TMEM178A: variants seen among roughly 807,000 people sequenced by gnomAD.
TMEM178A encodes transmembrane protein 178.
A neutral mutation model predicts 29.1 loss-of-function variants in TMEM178A; 12 were observed. The ratio of observed to expected loss-of-function variants is 0.41; its 90% confidence interval spans 0.26 to 0.67. TMEM178A has a LOEUF of 0.67. TMEM178A is among the 30% of genes least tolerant of loss of function. The pLI is 0.29. For synonymous variants in TMEM178A, 210 were observed against 187.2 expected (o/e 1.12, Z -0.99); for missense variants, 366 against 419.1 (o/e 0.87, Z 1.11).
chr2:39,700,017 A>G (rs1455142858), intron 1 of TMEM178A, among the ~76,000 whole-genome samples: 1 of 152,158 alleles, frequency 6.6e-6, no homozygotes, highest in Non-Finnish European at 1.5e-5. Context: ...CTTACTTTGT[A>G]TGACTTTAAT....
At position 39,667,398 on chromosome 2, in the gene TMEM178A, C is replaced by T. The variant is rs148197394; in HGVS notation, c.400+1024C>T. On this transcript the variant is annotated intron_variant, in intron 1 of 3. Coordinates refer to ENST00000281961, the MANE Select transcript of TMEM178A (RefSeq NM_152390.3). ...ATATTCAGTGTGACAACTTGTGAAG[C>T]TTCCTTTAACTTTCAGAACTTGACT... Among the ~76,000 whole-genome samples, 415 of 147,872 alleles carry T rather than the reference C, an allele frequency of 2.8e-3. 1 individual carries two copies. The highest frequency in any genetic ancestry group is 9.7e-3 in the African/African-American group (390 of 40,036).
At chr2:39,727,814 T>C in the TMEM178A span, among the ~76,000 whole-genome samples, 3 of 151,148 alleles carry the variant, frequency 2.0e-5, no homozygotes, top group Non-Finnish European at 4.4e-5. Context: ...CATGAGGTGT[T>C]TGGTTTTCTG....
chr2:39,674,071 G>C (rs974178658), intron 1 of TMEM178A, among the ~76,000 whole-genome samples: 16 of 152,002 alleles, frequency 1.1e-4, no homozygotes, highest in African/African-American at 3.9e-4. Context: ...AACTTCTCTT[G>C]GTATTCAGAC....
At chr2:39,718,911 A>T (rs544244334), downstream of TMEM178A, among the ~76,000 whole-genome samples, 72 of 152,362 alleles carry the variant, frequency 4.7e-4, no homozygotes, top group African/African-American at 1.5e-3. Context: ...TTGATTTCAT[A>T]AAAGATTCTT....
At chr2:39,715,209 T>C (rs1053734650) in intron 3 of TMEM178A, among the ~76,000 whole-genome samples, 1 of 152,240 alleles carries the variant, frequency 6.6e-6, no homozygotes, top group Non-Finnish European at 1.5e-5. Flanking sequence ...AAATGCTTGC[T>C]TTTAGGCATT....
At chr2:39,691,450 A>G (rs1314627324) in intron 1 of TMEM178A, among the ~76,000 whole-genome samples, 1 of 152,228 alleles carries the variant, frequency 6.6e-6, no homozygotes, top group East Asian at 1.9e-4. Context: ...CTTACTTTTT[A>G]GAGTGCCTGT....
At chr2:39,667,823 A>T (rs544758599) in intron 1 of TMEM178A, among the ~76,000 whole-genome samples, 39 of 152,300 alleles carry the variant, frequency 2.6e-4, no homozygotes, top group African/African-American at 8.9e-4. Context: ...CTTGCATCCA[A>T]ATCTGATTTC....
At chr2:39,684,956 A>G (rs762152801) in intron 1 of TMEM178A, among the ~76,000 whole-genome samples, 10 of 152,076 alleles carry the variant, frequency 6.6e-5, no homozygotes, top group South Asian at 2.1e-4. Context: ...TCTCACTGGA[A>G]CCTTTTTCTC....
chr2:39,729,042 T>G, the TMEM178A span, among the ~76,000 whole-genome samples: 8 of 152,130 alleles, frequency 5.3e-5, no homozygotes, highest in South Asian at 6.2e-4. Flanking sequence ...CGCCCCCAGC[T>G]GCAATCAACA....
At chr2:39,721,884 G>C (rs1326992950), downstream of TMEM178A, among the ~76,000 whole-genome samples, 2 of 150,234 alleles carry the variant, frequency 1.3e-5, no homozygotes, top group Admixed American at 1.3e-4. Context: ...TTAGCTACTC[G>C]GCAGGCTGGG....
intron 1 of TMEM178A, chr2:39,687,548 C>T (rs1381567293): frequency 1.2e-5 from 2 of 162,360 alleles, no homozygotes; most frequent in Non-Finnish European, 2.9e-5. Context: ...TTCATGCTTC[C>T]TAGTCACTTC....
At chr2:39,735,330 G>A in the TMEM178A span, among the ~76,000 whole-genome samples, 10 of 152,170 alleles carry the variant, frequency 6.6e-5, no homozygotes, top group African/African-American at 1.9e-4. Flanking sequence ...AAAAATTGCC[G>A]CTGGCTGAGA....
In TMEM178A at chr2:39,714,873, A is replaced by G. The variant is rs183749955; in HGVS notation, c.653-2137A>G. On this transcript the variant is annotated intron_variant, in intron 3 of 3. Coordinates refer to ENST00000281961, the MANE Select transcript of TMEM178A (RefSeq NM_152390.3). ...TACATAGGACATTCCATTTTCATTTAATTGCATAAGCTGAGTACTAGATTC... is the reference window on the plus strand; with the variant it reads ...TACATAGGACATTCCATTTTCATTTGATTGCATAAGCTGAGTACTAGATTC... Among the ~76,000 whole-genome samples the G allele has an allele frequency of 4.7e-3, 719 of 152,326 alleles. 3 individuals are homozygous for G. Among genetic ancestry groups the G allele is most frequent in the Non-Finnish European group, 7.4e-3 (504 of 68,024 alleles).
At chr2:39,688,044 CT>C (rs1671156640) in intron 1 of TMEM178A, among the ~76,000 whole-genome samples, 1 of 152,222 alleles carries the variant, frequency 6.6e-6, no homozygotes, top group Admixed American at 6.5e-5. Context: ...CAGTAAAGCT[CT>C]CAGCACAGAG....
At chr2:39,700,763 T>G (rs1029718977) in intron 1 of TMEM178A, among the ~76,000 whole-genome samples, 1 of 152,020 alleles carries the variant, frequency 6.6e-6, no homozygotes, top group Non-Finnish European at 1.5e-5. Flanking sequence ...TAATGTTTTC[T>G]TTTGTGTTAA....
chr2:39,716,481 G>T (rs927450158), intron 3 of TMEM178A, among the ~76,000 whole-genome samples: 2 of 152,128 alleles, frequency 1.3e-5, no homozygotes, highest in African/African-American at 4.8e-5. Context: ...TAACAAAAAA[G>T]ATTTAGCTAC....
At chr2:39,672,410 T>C (rs1670442590) in intron 1 of TMEM178A, among the ~76,000 whole-genome samples, 1 of 152,218 alleles carries the variant, frequency 6.6e-6, no homozygotes, top group South Asian at 2.1e-4. Flanking sequence ...CATCCAATTA[T>C]ACCCGAGTTG....
At chr2:39,704,333 A>T (rs2148102965) in intron 2 of TMEM178A, 139 bp downstream of exon 2, 1 of 672,570 alleles carries the variant, frequency 1.5e-6, no homozygotes, top group African/African-American at 1.8e-5. Context: ...GTGGTCAGAG[A>T]CTCAGAGGAT....
chr2:39,672,352 G>A (rs1670440297), intron 1 of TMEM178A, among the ~76,000 whole-genome samples: 1 of 152,194 alleles, frequency 6.6e-6, no homozygotes, highest in South Asian at 2.1e-4. Context: ...ATTTAGCAAT[G>A]GCCTTGAGGG....
Sources: allele counts gnomAD v4.1 joint callset (sites outside exome capture counted in the v4.1 genomes callset), GRCh38; gene constraint gnomAD v4.1.1; transcripts MANE v1.5; gene names NCBI Gene and HGNC (gene_info 2026-07-23, HGNC 2026-07-21).